MSTO1: variants seen among roughly 807,000 people sequenced by gnomAD.
The protein encoded by MSTO1 is misato mitochondrial distribution and morphology regulator 1.
A neutral mutation model predicts 55.7 loss-of-function variants in MSTO1; 24 were observed. The observed-to-expected ratio is 0.43, with a 90% CI of 0.31 to 0.61. The LOEUF is 0.61. Ranked by LOEUF, MSTO1 falls within the 20% of genes least tolerant of loss-of-function variation. The pLI, the probability that MSTO1 is intolerant of heterozygous loss-of-function variation, is 0.09. For synonymous variants in MSTO1, 162 were observed against 252.8 expected (o/e 0.64, Z 3.41); for missense variants, 363 against 625.7 (o/e 0.58, Z 4.48).
chr1:155,575,850 G>C, the MSTO1 span, among the ~76,000 whole-genome samples: 1 of 149,784 alleles, frequency 6.7e-6, no homozygotes, highest in African/African-American at 2.5e-5. Context: ...TTGAGACAGA[G>C]TTCGCTCTGT....
chr1:155,588,561 G>A, the MSTO1 span, among the ~76,000 whole-genome samples: 1 of 152,152 alleles, frequency 6.6e-6, no homozygotes, highest in Non-Finnish European at 1.5e-5. Flanking sequence ...TAGCCTGTGA[G>A]GTTGCAAAGC....
At chr1:155,577,079 CT>C in the MSTO1 span, among the ~76,000 whole-genome samples, 1 of 95,798 alleles carries the variant, frequency 1.0e-5, no homozygotes, top group Non-Finnish European at 2.2e-5. Context: ...TTTTTTTTGT[CT>C]TTTTTTTGTT....
At chr1:155,599,117 G>GC in the MSTO1 span, among the ~76,000 whole-genome samples, 1 of 152,008 alleles carries the variant, frequency 6.6e-6, no homozygotes, top group African/African-American at 2.4e-5. Context: ...GGAGGAGGCT[G>GC]CAGTGAGCCG....
chr1:155,578,547 T>C, the MSTO1 span, among the ~76,000 whole-genome samples: 1 of 135,798 alleles, frequency 7.4e-6, no homozygotes, highest in Non-Finnish European at 1.6e-5. Flanking sequence ...GTCCCACTCT[T>C]TAGCCCAGGC....
the MSTO1 span, among the ~76,000 whole-genome samples, chr1:155,573,196 TATTG>T: frequency 2.0e-5 from 3 of 152,120 alleles, no homozygotes; most frequent in Non-Finnish European, 4.4e-5. Flanking sequence ...GCTTTAAAAA[TATTG>T]ATGCCTGGGT....
chr1:155,598,585 G>C, the MSTO1 span, among the ~76,000 whole-genome samples: 1 of 152,126 alleles, frequency 6.6e-6, no homozygotes, highest in African/African-American at 2.4e-5. Flanking sequence ...AGCCAGGCGT[G>C]GTGGTACACA....
the MSTO1 span, among the ~76,000 whole-genome samples, chr1:155,565,398 A>T: frequency 2.6e-5 from 4 of 152,302 alleles, no homozygotes; most frequent in Admixed American, 2.6e-4. Flanking sequence ...CTACTGTGCC[A>T]GGGGAACACG....
the MSTO1 span, among the ~76,000 whole-genome samples, chr1:155,591,558 G>A: frequency 2.0e-5 from 3 of 152,116 alleles, no homozygotes; most frequent in Non-Finnish European, 2.9e-5. Context: ...TTGGGAGGCC[G>A]AGGCAGGCGA....
chr1:155,585,606 A>G, the MSTO1 span, among the ~76,000 whole-genome samples: 11 of 152,066 alleles, frequency 7.2e-5, no homozygotes, highest in South Asian at 2.1e-4. Flanking sequence ...AAGTTATTCT[A>G]TAACTACTGG....
In MSTO1 at chr1:155,613,167, C is replaced by G. The variant is rs1674674365; in HGVS notation, c.1217C>G (p.Pro406Arg). ...PWTPLSACGE[P>R]SGTRCFAQSV... ...ACCCCACTGTCTGCATGTGGGGAGC[C>G]TTCTGGAACACGTTGCTTTGCCCAG... The change falls in exon 11 of 14, where the codon CCT becomes CGT. Residue 406 changes from proline to arginine, a missense_variant. By Grantham distance (103) the Pro-to-Arg change is moderately radical. Around this residue, in one of 3 missense-constraint regions of MSTO1, gnomAD observed 231 missense variants for 286.9 expected, o/e 0.81. Transcript: ENST00000245564. 6.2e-7 allele frequency: 1 copy of G among 1,613,994 alleles called. No individual in the cohort carries two copies. Among genetic ancestry groups the G allele is most frequent in the Admixed American group, 1.7e-5 (1 of 59,998 alleles).
At chr1:155,598,227 C>T in the MSTO1 span, among the ~76,000 whole-genome samples, 23 of 152,062 alleles carry the variant, frequency 1.5e-4, no homozygotes, top group South Asian at 8.3e-4. Context: ...AGCAATTCTC[C>T]CGCCTCAGCC....
At chr1:155,564,978 G>C in the MSTO1 span, among the ~76,000 whole-genome samples, 1 of 151,812 alleles carries the variant, frequency 6.6e-6, no homozygotes, top group East Asian at 1.9e-4. Context: ...AAAATTAGCC[G>C]GGCGTGGTGG....
chr1:155,611,303 TG>T lies in MSTO1; in HGVS notation c.366+13del. ...TTCTGAGTGCAGAGGTGAGGGCCTCTGTCCTGAACTTTTTAACCCGGTGCCA... is the reference window on the plus strand; with the variant it reads ...TTCTGAGTGCAGAGGTGAGGGCCTCTTCCTGAACTTTTTAACCCGGTGCCA... On this transcript the variant is annotated intron_variant, in intron 4 of 13. Transcript: ENST00000245564. 1 of 1,613,756 alleles carries T rather than the reference TG, an allele frequency of 6.2e-7. No homozygotes were observed. The highest frequency in any genetic ancestry group is 8.5e-7 in the Non-Finnish European group (1 of 1,179,818).
At chr1:155,587,676 G>C in the MSTO1 span, among the ~76,000 whole-genome samples, 3 of 149,264 alleles carry the variant, frequency 2.0e-5, no homozygotes, top group Admixed American at 6.7e-5. Flanking sequence ...CCCGGGAGGC[G>C]GAGCTTGCAG....
upstream of MSTO1, among the ~76,000 whole-genome samples, chr1:155,606,197 C>CAT (rs1558242399): frequency 7.5e-5 from 4 of 53,290 alleles, no homozygotes; most frequent in African/African-American, 2.8e-4. Flanking sequence ...CCATGCCCAG[C>CAT]CTTTTTTTTT....
chr1:155,602,244 C>T, the MSTO1 span: 6 of 451,918 alleles, frequency 1.3e-5, no homozygotes, highest in African/African-American at 4.2e-5. Flanking sequence ...TTTAGGAGAC[C>T]GAGGAGGGTG....
chr1:155,571,576 C>G, the MSTO1 span, among the ~76,000 whole-genome samples: 1 of 152,222 alleles, frequency 6.6e-6, no homozygotes, highest in South Asian at 2.1e-4. Context: ...AACCTTAGAG[C>G]TTGGAGAAGT....
chr1:155,598,700 G>A, the MSTO1 span: 1 of 451,658 alleles, frequency 2.2e-6, no homozygotes, highest in South Asian at 2.4e-5. Flanking sequence ...CCAGCCTGGA[G>A]AACAGAGCGA....
the MSTO1 span, among the ~76,000 whole-genome samples, chr1:155,589,392 T>C: frequency 6.6e-6 from 1 of 151,994 alleles, no homozygotes; most frequent in Non-Finnish European, 1.5e-5. Flanking sequence ...TTTTTTTTTT[T>C]ATTAGTTTGG....
Sources: allele counts gnomAD v4.1 joint callset (sites outside exome capture counted in the v4.1 genomes callset), GRCh38; gene constraint gnomAD v4.1.1; regional missense constraint gnomAD v4.1.1; transcripts MANE v1.5; gene names NCBI Gene and HGNC (gene_info 2026-07-23, HGNC 2026-07-21).